MGAT4C: variants seen among roughly 807,000 people sequenced by gnomAD.
MGAT4C encodes the protein alpha-1,3-mannosyl-glycoprotein 4-beta-N-acetylglucosaminyltransferase C.
Under a neutral mutation model 40.1 loss-of-function variants are expected in MGAT4C, and 19 were observed. The ratio of observed to expected loss-of-function variants is 0.47; its 90% CI spans 0.33 to 0.70. The LOEUF (loss-of-function observed/expected upper bound fraction) is 0.70, where lower values mean the gene tolerates loss of function less well. MGAT4C is among the 30% of genes least tolerant of loss of function. MGAT4C has a pLI of 0.02. For missense variants in MGAT4C, 491 were observed against 563.2 expected, an observed-to-expected ratio of 0.87 and a Z score of 1.30; for synonymous variants, 181 against 187.1, an observed-to-expected ratio of 0.97 and a Z score of 0.27.
chr12:86,620,746 C>A (rs558104344), intron 2 of MGAT4C, among the ~76,000 whole-genome samples: 18 of 152,246 alleles, frequency 1.2e-4, no homozygotes, highest in Non-Finnish European at 2.4e-4. Flanking sequence ...AAGGAGGAGT[C>A]TTGTGGGAGG....
chr12:86,459,393 C>T (rs914083365), intron 2 of MGAT4C, among the ~76,000 whole-genome samples: 8 of 151,730 alleles, frequency 5.3e-5, no homozygotes, highest in African/African-American at 1.9e-4. Context: ...AGGGAGACTC[C>T]CTCTGGTCTA....
intron 1 of MGAT4C, among the ~76,000 whole-genome samples, chr12:86,233,719 T>A (rs1433693298): frequency 6.6e-6 from 1 of 152,144 alleles, no homozygotes; most frequent in Admixed American, 6.6e-5. Flanking sequence ...ATTTAAAAAA[T>A]TTCATAATTT....
At chr12:86,394,496 T>C (rs1956213425) in intron 3 of MGAT4C, among the ~76,000 whole-genome samples, 1 of 145,574 alleles carries the variant, frequency 6.9e-6, no homozygotes, top group Admixed American at 7.0e-5. Context: ...ATACTTTATA[T>C]ATATATTTTT....
chr12:86,119,561 C>T (rs1056757034), intron 1 of MGAT4C, among the ~76,000 whole-genome samples: 8 of 151,902 alleles, frequency 5.3e-5, no homozygotes, highest in Admixed American at 1.3e-4. Flanking sequence ...GCGTCCGCCA[C>T]GATGCCCGGC....
intron 2 of MGAT4C, among the ~76,000 whole-genome samples, chr12:86,498,560 T>C (rs959614800): frequency 6.6e-6 from 1 of 151,912 alleles, no homozygotes. Flanking sequence ...TTACAGACCA[T>C]ACCTGGCTGC....
chr12:86,122,949 G>A (rs1879646036), intron 1 of MGAT4C, among the ~76,000 whole-genome samples: 1 of 152,110 alleles, frequency 6.6e-6, no homozygotes, highest in Non-Finnish European at 1.5e-5. Flanking sequence ...ATTGATAGCG[G>A]CATTAAAATA....
At chr12:86,820,899 G>C (rs1952693879) in intron 1 of MGAT4C, among the ~76,000 whole-genome samples, 1 of 150,848 alleles carries the variant, frequency 6.6e-6, no homozygotes, top group Non-Finnish European at 1.5e-5. Flanking sequence ...CATGTCAAAT[G>C]TAGTTCCACC....
intron 4 of MGAT4C, among the ~76,000 whole-genome samples, chr12:86,295,419 T>C (rs1953640351): frequency 6.6e-6 from 1 of 152,168 alleles, no homozygotes. Flanking sequence ...GAGTTGTTCA[T>C]TCCTCCTGGT....
At chr12:86,787,772 G>A (rs1951957603) in intron 1 of MGAT4C, among the ~76,000 whole-genome samples, 2 of 152,094 alleles carry the variant, frequency 1.3e-5, no homozygotes, top group Admixed American at 1.3e-4. Flanking sequence ...TTTCAGGACA[G>A]GATGTCACTC....
chr12:86,548,472 C>T (rs1315335295), intron 2 of MGAT4C, among the ~76,000 whole-genome samples: 1 of 152,076 alleles, frequency 6.6e-6, no homozygotes, highest in Non-Finnish European at 1.5e-5. Context: ...ATCCCCAATT[C>T]CCAATTTGCT....
intron 2 of MGAT4C, among the ~76,000 whole-genome samples, chr12:86,004,027 A>G (rs986066269): frequency 6.6e-6 from 1 of 152,184 alleles, no homozygotes; most frequent in African/African-American, 2.4e-5. Flanking sequence ...TACATGTTTT[A>G]CAGTGTTGCC....
At chr12:86,412,163 G>A (rs1956619755) in intron 3 of MGAT4C, among the ~76,000 whole-genome samples, 1 of 152,240 alleles carries the variant, frequency 6.6e-6, no homozygotes, top group African/African-American at 2.4e-5. Context: ...CCAGGGCAGT[G>A]CAGAGGGAAA....
intron 4 of MGAT4C, among the ~76,000 whole-genome samples, chr12:86,311,197 G>T (rs1954064306): frequency 6.6e-6 from 1 of 152,106 alleles, no homozygotes; most frequent in African/African-American, 2.4e-5. Context: ...AACCTAAATG[G>T]TGTAGCCTAC....
At chr12:86,616,279 T>C (rs147390673) in intron 2 of MGAT4C, among the ~76,000 whole-genome samples, 23 of 152,254 alleles carry the variant, frequency 1.5e-4, no homozygotes, top group Non-Finnish European at 3.1e-4. Context: ...CCTTTATACT[T>C]GTGATTGTTG....
Position 86,335,723 on chromosome 12 carries a change from T to G in MGAT4C, c.-119-1596A>C, listed in dbSNP as rs529175548. On this transcript the variant is annotated intron_variant, in intron 3 of 7. Coordinates refer to the MGAT4C transcript ENST00000548651. The stretch of plus-strand genomic sequence containing the variant: ...GTTCCAGGTTTCTTTGCAAAAAACA[T>G]ATAGTAACTAGAATTTCTATACATC... Among the ~76,000 whole-genome samples the G allele has an allele frequency of 2.0e-5, 3 of 152,264 alleles. No homozygotes were observed. The South Asian group carries it at 6.2e-4, about 32-fold the overall frequency.
intron 1 of MGAT4C, among the ~76,000 whole-genome samples, chr12:86,752,269 T>C (rs1951240375): frequency 6.6e-6 from 1 of 152,090 alleles, no homozygotes; most frequent in Admixed American, 6.6e-5. Flanking sequence ...GTTAGTGACA[T>C]TTAGTCTCAT....
chr12:86,265,847 T>G (rs1052188897), intron 4 of MGAT4C, among the ~76,000 whole-genome samples: 2 of 152,242 alleles, frequency 1.3e-5, no homozygotes, highest in African/African-American at 2.4e-5. Flanking sequence ...ACCAAAGATC[T>G]TTTACTTCCT....
intron 1 of MGAT4C, among the ~76,000 whole-genome samples, chr12:86,155,045 T>C (rs923907988): frequency 1.3e-5 from 2 of 151,772 alleles, no homozygotes; most frequent in Non-Finnish European, 2.9e-5. Context: ...AGGGATGGCC[T>C]CTATTAAGAG....
intron 1 of MGAT4C, among the ~76,000 whole-genome samples, chr12:86,052,246 G>A (rs1395436202): frequency 1.3e-5 from 2 of 150,988 alleles, no homozygotes; most frequent in South Asian, 4.2e-4. Context: ...GCCTCAAAAA[G>A]AGGGCCCCAA....
Sources: gnomAD v4.1 joint callset for allele counts (sites outside exome capture counted in the v4.1 genomes callset) on GRCh38, gnomAD v4.1.1 for gene constraint, MANE v1.5 for transcripts, NCBI Gene and HGNC (gene_info 2026-07-23, HGNC 2026-07-21) for gene names.